SENP6: variants seen among roughly 807,000 people sequenced by gnomAD.
The protein encoded by SENP6 is SUMO specific peptidase 6, also known as sentrin-specific protease 6.
SENP6 carries 41 observed loss-of-function variants against 134.5 expected under a neutral mutation model. The ratio of observed to expected loss-of-function variants is 0.30; its 90% confidence interval spans 0.24 to 0.40. SENP6 has a LOEUF of 0.40. Among genes scored for constraint, SENP6 ranks in the 10% least tolerant of loss-of-function variants. SENP6 has a pLI of 1.00. For missense variants in SENP6, 1,248 were observed against 1,312.5 expected, an observed-to-expected ratio of 0.95 and a Z score of 0.76; for synonymous variants, 395 against 429.8, an observed-to-expected ratio of 0.92 and a Z score of 1.00.
intron 21 of SENP6, among the ~76,000 whole-genome samples, chr6:75,711,852 T>A (rs1348164783): frequency 6.6e-6 from 1 of 152,192 alleles, no homozygotes; most frequent in Admixed American, 6.5e-5. Flanking sequence ...TTTGAATTTT[T>A]AGTAGAGATG....
intron 10 of SENP6, among the ~76,000 whole-genome samples, chr6:75,667,276 TTA>T (rs1299851323): frequency 6.6e-6 from 1 of 152,238 alleles, no homozygotes; most frequent in African/African-American, 2.4e-5. Flanking sequence ...CTATGTTTCA[TTA>T]TGTTTTATAT....
chr6:75,659,258 T>G lies in SENP6; in HGVS notation c.551-4T>G. On this transcript the variant is annotated splice_region_variant and splice_polypyrimidine_tract_variant and intron_variant, in intron 7 of 23. Coordinates refer to ENST00000447266, the MANE Select transcript of SENP6 (RefSeq NM_015571.4). Reference sequence around the variant, plus strand: ...TAAAGTTTATTTTTTTCTCCTTCCTTTAGAACGTATAATGAAGAAAACAGA... The same window carrying G: ...TAAAGTTTATTTTTTTCTCCTTCCTGTAGAACGTATAATGAAGAAAACAGA... The G allele has an allele frequency of 6.3e-7, 1 of 1,588,498 alleles. No individual in the cohort carries two copies. Among genetic ancestry groups the G allele is most frequent in the Non-Finnish European group, 8.5e-7 (1 of 1,172,154 alleles).
Position 75,702,854 on chromosome 6 carries a change from G to T in SENP6, c.2498G>T (p.Cys833Phe). The change falls in exon 19 of 24, where the codon TGC becomes TTC. Residue 833 changes from cysteine (C) to phenylalanine (F), a missense_variant. This residue lies in a region of SENP6 where 386 missense variants were observed against 395.0 expected (regional missense o/e 0.98). Transcript: ENST00000447266. ...AAGAAGATGCTAAACAAAAAACATT[G>T]CATAGCTGTAATTGATTCCAATCCT... ...VIKKMLNKKH[C>F]IAVIDSNPGQ... 6.2e-7 allele frequency: 1 copy of T among 1,614,088 alleles called. No individual in the cohort carries two copies. The highest frequency in any genetic ancestry group is 1.1e-5 in the South Asian group (1 of 91,084).
At chr6:75,693,692 T>C (rs1451920298) in intron 16 of SENP6, among the ~76,000 whole-genome samples, 1 of 152,164 alleles carries the variant, frequency 6.6e-6, no homozygotes, top group Non-Finnish European at 1.5e-5. Context: ...TTATTGCATA[T>C]TAGTGATAAA....
chr6:75,705,780 A>T (rs1437485084), intron 19 of SENP6, among the ~76,000 whole-genome samples: 1 of 151,584 alleles, frequency 6.6e-6, no homozygotes, highest in Non-Finnish European at 1.5e-5. Context: ...AATGAATCTT[A>T]TTTGGATGAA....
chr6:75,662,883 A>T (rs1179054935), intron 8 of SENP6, among the ~76,000 whole-genome samples: 2 of 152,164 alleles, frequency 1.3e-5, no homozygotes, highest in Non-Finnish European at 2.9e-5. Context: ...ACTCAGCTTG[A>T]TCATATCCTC....
chr6:75,651,439 C>G (rs879870522), intron 7 of SENP6, among the ~76,000 whole-genome samples: 1 of 152,158 alleles, frequency 6.6e-6, no homozygotes, highest in African/African-American at 2.4e-5. Context: ...ACTGCAGCCT[C>G]GACCTCCTAG....
intron 12 of SENP6, 134 bp from the exon 13 acceptor site, chr6:75,675,726 A>G (rs1773037182): frequency 3.3e-6 from 3 of 920,818 alleles, no homozygotes; most frequent in Non-Finnish European, 5.0e-6. Context: ...TTTATTACCC[A>G]CAAGAGTAAT....
chr6:75,668,959 A>T (rs1002331479), intron 10 of SENP6, among the ~76,000 whole-genome samples: 1 of 152,162 alleles, frequency 6.6e-6, no homozygotes, highest in African/African-American at 2.4e-5. Flanking sequence ...TTCCTGTTTT[A>T]TTAGTGAGCT....
rs1261883931 is a variant in SENP6 at position 75,705,924 on chromosome 6, CCTTTTTTT to C, written c.2716+2853_2716+2860del. 9.1e-4 allele frequency among the ~76,000 whole-genome samples: 81 copies of C among 89,286 alleles called. 9 individuals are homozygous for C. The highest frequency in any genetic ancestry group is 5.5e-3 in the South Asian group (15 of 2,724). The allele number at this position is 89,286 out of a possible 152,430, so 58.6% of individuals were successfully genotyped here. A position where few individuals can be genotyped will look rare whatever the true frequency, so the allele number is the denominator to read the frequency against. The stretch of plus-strand genomic sequence containing the variant: ...AGTGAGTTAGAAAGCTATTTTTGAG[CCTTTTTTT>C]TTTTTTTTTTTTTTTTTTTTTTGAG... On this transcript the variant is annotated intron_variant, in intron 19 of 23. Coordinates refer to ENST00000447266, the MANE Select transcript of SENP6 (RefSeq NM_015571.4).
intron 7 of SENP6, among the ~76,000 whole-genome samples, chr6:75,653,794 T>C (rs1771099997): frequency 1.3e-5 from 2 of 152,306 alleles, no homozygotes; most frequent in Non-Finnish European, 1.5e-5. Context: ...CTTGGGAAAC[T>C]CCACGGCTAG....
intron 7 of SENP6, among the ~76,000 whole-genome samples, chr6:75,648,682 T>C (rs1293595085): frequency 6.6e-6 from 1 of 152,246 alleles, no homozygotes; most frequent in Non-Finnish European, 1.5e-5. Flanking sequence ...TTACTAAGTT[T>C]ATTAAGTTTA....
intron 8 of SENP6, among the ~76,000 whole-genome samples, chr6:75,660,253 C>T (rs1054968037): frequency 5.9e-5 from 9 of 152,254 alleles, no homozygotes; most frequent in African/African-American, 9.6e-5. Context: ...AGGAGACATA[C>T]GATGTTGATT....
intron 6 of SENP6, among the ~76,000 whole-genome samples, chr6:75,645,977 G>A (rs1439913072): frequency 6.6e-6 from 1 of 152,094 alleles, no homozygotes; most frequent in African/African-American, 2.4e-5. Flanking sequence ...AGATGGCTCA[G>A]TACACAAGTT....
chr6:75,677,202 C>G lies in SENP6; in HGVS notation c.1794C>G (p.Thr598=). The G allele has an allele frequency of 6.2e-7, 1 of 1,608,718 alleles. No individual in the cohort carries two copies. The change falls in exon 14 of 24, where the codon ACC becomes ACG. Residue 598 remains threonine (T), a synonymous_variant. Transcript: ENST00000447266. ...GCAGACTTGTTGCCTGTACAAGAAC[C>G]TATGAAGAGAGCATCAAAGGAAGTT... The part of the protein sequence containing the change: ...ANGRLVACTR[T]YEESIKGSCG...
chr6:75,680,651 A>G (rs1202332023), intron 16 of SENP6, among the ~76,000 whole-genome samples: 1 of 152,214 alleles, frequency 6.6e-6, no homozygotes, highest in Non-Finnish European at 1.5e-5. Context: ...CTAACTAAGT[A>G]TAATTTTGAG....
intron 4 of SENP6, 64 bp from the exon 5 acceptor site, chr6:75,634,643 T>A: frequency 3.4e-6 from 3 of 888,626 alleles, no homozygotes; most frequent in Non-Finnish European, 5.1e-6. Context: ...TTAAAAGATT[T>A]TTTTTATAAA....
chr6:75,704,174 G>T (rs1351953788), intron 19 of SENP6, among the ~76,000 whole-genome samples: 1 of 152,154 alleles, frequency 6.6e-6, no homozygotes, highest in African/African-American at 2.4e-5. Context: ...AAAGTATAGA[G>T]AAAGAACAGT....
intron 18 of SENP6, among the ~76,000 whole-genome samples, chr6:75,699,662 AT>A (rs985440867): frequency 6.7e-6 from 1 of 148,590 alleles, no homozygotes. Context: ...TAATTTTTGT[AT>A]TTTTTTTTAG....
Sources: allele counts gnomAD v4.1 joint callset (sites outside exome capture counted in the v4.1 genomes callset), GRCh38; gene constraint gnomAD v4.1.1; regional missense constraint gnomAD v4.1.1; transcripts MANE v1.5; gene names NCBI Gene and HGNC (gene_info 2026-07-23, HGNC 2026-07-21).